Variants in PLEKHA1 observed in about 807,000 individuals in gnomAD.
PLEKHA1 encodes pleckstrin homology domain-containing family A member 1.
In PLEKHA1, 34 loss-of-function variants were observed where a neutral mutation model predicts 52.0. That is an observed-to-expected ratio of 0.65 (90% CI 0.50 to 0.87). The LOEUF is 0.87. PLEKHA1 is among the 40% of genes least tolerant of loss of function. PLEKHA1 has a pLI of 0.00. For missense variants in PLEKHA1, 497 were observed against 504.2 expected (o/e 0.99, Z 0.14); for synonymous variants, 163 against 170.7 (o/e 0.95, Z 0.35).
chr10:122,432,620 T>C (rs982837616), downstream of PLEKHA1: 12 of 152,186 alleles, frequency 7.9e-5, no homozygotes, highest in Non-Finnish European at 1.8e-4. Flanking sequence ...AGCAGAATTA[T>C]CATATGTTAG....
intron 2 of PLEKHA1, among the ~76,000 whole-genome samples, chr10:122,396,804 A>G (rs924581136): frequency 6.6e-6 from 1 of 152,078 alleles, no homozygotes; most frequent in African/African-American, 2.4e-5. Context: ...TCAGTCTTCT[A>G]TCATAGAAAT....
intron 5 of PLEKHA1, chr10:122,412,640 T>A (rs1241652360): frequency 3.0e-6 from 1 of 334,596 alleles, no homozygotes; most frequent in Non-Finnish European, 5.5e-6. Context: ...TAGGTGGGGG[T>A]AGAGCCCCTA....
chr10:122,403,187 CAAAG>C (rs935717393), intron 4 of PLEKHA1, among the ~76,000 whole-genome samples: 6 of 151,798 alleles, frequency 4.0e-5, no homozygotes, highest in Non-Finnish European at 7.4e-5. Context: ...TTGAAAAAGT[CAAAG>C]AAATCTGAAA....
At chr10:122,416,046 C>A in intron 7 of PLEKHA1, 44 bp downstream of exon 7, 1 of 1,538,182 alleles carries the variant, frequency 6.5e-7, no homozygotes. Flanking sequence ...AAAAGGATTA[C>A]GTTCTAGCAA....
At chr10:122,386,204 T>C (rs2096694402) in intron 1 of PLEKHA1, among the ~76,000 whole-genome samples, 1 of 152,194 alleles carries the variant, frequency 6.6e-6, no homozygotes, top group South Asian at 2.1e-4. Context: ...TATAGTATCT[T>C]GTGGTTTTTA....
downstream of PLEKHA1, chr10:122,437,298 G>A (rs1348655637): frequency 6.6e-6 from 1 of 152,056 alleles, no homozygotes; most frequent in Non-Finnish European, 1.5e-5. Flanking sequence ...TTTTCAGCCC[G>A]AACAACTAGA....
At chr10:122,399,744 A>G (rs930037591) in intron 3 of PLEKHA1, among the ~76,000 whole-genome samples, 5 of 151,876 alleles carry the variant, frequency 3.3e-5, no homozygotes, top group East Asian at 1.9e-4. Context: ...CACCATGCCC[A>G]GCTAATTTTT....
Position 122,432,096 on chromosome 10 carries a change from T to C in PLEKHA1, c.*2158T>C, listed in dbSNP as rs927199228. On this transcript the variant is annotated 3_prime_UTR_variant, in exon 12 of 12. Coordinates refer to ENST00000368990, the MANE Select transcript of PLEKHA1 (RefSeq NM_001001974.4). ...GTCTCCTAATATTTATCTCAATTCT[T>C]TTATAAGTCTATGGAAATTATTTAA... The C allele has an allele frequency of 2.0e-5, 3 of 152,232 alleles. No individual in the cohort carries two copies. The highest frequency in any genetic ancestry group is 4.4e-5 in the Non-Finnish European group (3 of 68,036). 9.4% of individuals were successfully genotyped at this position (152,232 alleles called of 1,614,324 possible). A position where few individuals can be genotyped will look rare whatever the true frequency, so the allele number is the denominator to read the frequency against.
intron 11 of PLEKHA1, 92 bp from the exon 12 acceptor site, chr10:122,429,532 T>G (rs1055081079): frequency 8.8e-5 from 85 of 967,198 alleles, no homozygotes; most frequent in Non-Finnish European, 1.2e-4. Context: ...GTGTGTGTGT[T>G]TTATTTGTTT....
At position 122,386,203 on chromosome 10, in the gene PLEKHA1, T is replaced by C. The variant is rs1423871359; in HGVS notation, c.-20-6978T>C. The stretch of plus-strand genomic sequence containing the variant: ...ATTTTAGTAGGTATGTTATAGTATC[T>C]TGTGGTTTTTATTTGCATTCACTTT... On this transcript the variant is annotated intron_variant, in intron 1 of 11. Coordinates refer to ENST00000368990, the MANE Select transcript of PLEKHA1 (RefSeq NM_001001974.4). Among the ~76,000 whole-genome samples the C allele has an allele frequency of 5.3e-5, 8 of 152,332 alleles. No individual in the cohort carries two copies. The East Asian group carries it at 1.3e-3, about 26-fold the overall frequency.
At chr10:122,395,960 A>G (rs1344583860) in intron 2 of PLEKHA1, among the ~76,000 whole-genome samples, 2 of 152,074 alleles carry the variant, frequency 1.3e-5, no homozygotes, top group Non-Finnish European at 2.9e-5. Flanking sequence ...TTTTTTCTTA[A>G]ATGTTCTATT....
downstream of PLEKHA1, chr10:122,432,880 C>T (rs1035988646): frequency 2.6e-5 from 4 of 152,196 alleles, no homozygotes; most frequent in African/African-American, 7.2e-5. Flanking sequence ...CTTGGTAAAG[C>T]TTAAATACTT....
chr10:122,399,516 G>T (rs1444506607), intron 3 of PLEKHA1, among the ~76,000 whole-genome samples: 1 of 152,128 alleles, frequency 6.6e-6, no homozygotes, highest in South Asian at 2.1e-4. Flanking sequence ...GCAGATTAAT[G>T]TCTTAATCTT....
At chr10:122,412,763 T>C in intron 5 of PLEKHA1, 157 bp from the exon 6 acceptor site, 2 of 679,296 alleles carry the variant, frequency 2.9e-6, no homozygotes, top group East Asian at 2.8e-5. Flanking sequence ...AACAGAAAAA[T>C]TAGTGTGATA....
At chr10:122,416,434 G>A (rs958711476) in intron 7 of PLEKHA1, among the ~76,000 whole-genome samples, 2 of 152,024 alleles carry the variant, frequency 1.3e-5, no homozygotes, top group Non-Finnish European at 2.9e-5. Context: ...TCTGACCTTG[G>A]GCTACTTACT....
the PLEKHA1 span, chr10:122,441,591 G>C: frequency 6.6e-6 from 1 of 152,182 alleles, no homozygotes; most frequent in Non-Finnish European, 1.5e-5. Flanking sequence ...TTAGAGCTGA[G>C]AAAACAGTTA....
chr10:122,387,170 TTCTGA>T (rs1358276091), intron 1 of PLEKHA1: 2 of 152,140 alleles, frequency 1.3e-5, no homozygotes, highest in African/African-American at 4.8e-5. Flanking sequence ...TTAGTTTCTT[TTCTGA>T]TATTTATTAT....
chr10:122,405,953 G>A (rs947465425), intron 4 of PLEKHA1, among the ~76,000 whole-genome samples: 2 of 152,080 alleles, frequency 1.3e-5, no homozygotes, highest in South Asian at 4.1e-4. Flanking sequence ...TCTCTCATCA[G>A]TACCTCCCAG....
Position 122,417,878 on chromosome 10 carries a change from T to C in PLEKHA1, c.613-22T>C, listed in dbSNP as rs776397310. ...GACATTCTTAGAAACACAAGTCTTA[T>C]GTCTGTGTTCATCTCTGGTAGATGA... is the stretch of plus-strand genomic sequence containing the variant. On this transcript the variant is annotated intron_variant, in intron 7 of 11. Transcript: ENST00000368990. 59 of 1,578,146 alleles carry C rather than the reference T, an allele frequency of 3.7e-5. No individual in the cohort carries two copies. The Middle Eastern group carries it at 1.0e-3, about 27-fold the overall frequency.
Sources: gnomAD v4.1 joint callset for allele counts (sites outside exome capture counted in the v4.1 genomes callset) on GRCh38, gnomAD v4.1.1 for gene constraint, MANE v1.5 for transcripts, NCBI Gene and HGNC (gene_info 2026-07-23, HGNC 2026-07-21) for gene names.